Variants in HECW1 observed in about 807,000 individuals in gnomAD.
HECW1 encodes the protein E3 ubiquitin-protein ligase HECW1.
A neutral mutation model predicts 182.3 loss-of-function variants in HECW1; 61 were observed. The ratio of observed to expected loss-of-function variants is 0.33; its 90% confidence interval spans 0.27 to 0.41. HECW1 has a LOEUF of 0.41. HECW1 is among the 10% of genes least tolerant of loss of function. HECW1 has a pLI of 1.00. For missense variants in HECW1, 1,739 were observed against 2,108.9 expected (o/e 0.82, Z 3.44); for synonymous variants, 859 against 832.6 (o/e 1.03, Z -0.55).
At chr7:43,424,046 A>T (rs1180277116) in intron 8 of HECW1, among the ~76,000 whole-genome samples, 1 of 152,190 alleles carries the variant, frequency 6.6e-6, no homozygotes, top group Non-Finnish European at 1.5e-5. Context: ...GGAGAGAACA[A>T]AAGAAATTTC....
chr7:43,255,986 T>C (rs73101174), intron 3 of HECW1, among the ~76,000 whole-genome samples: 18,471 of 152,216 alleles, frequency 0.12, 2,350 homozygotes, highest in African/African-American at 0.32. Context: ...AATTATTTAA[T>C]ATGAAGAGGT....
intron 2 of HECW1, among the ~76,000 whole-genome samples, chr7:43,187,150 C>G (rs12702022): frequency 0.24 from 36,682 of 152,200 alleles, 4,622 homozygotes; most frequent in Middle Eastern, 0.27. Context: ...TCCTTGCTAC[C>G]TGGACCTCTC....
intron 11 of HECW1, among the ~76,000 whole-genome samples, chr7:43,448,073 T>G (rs2077117791): frequency 6.6e-6 from 1 of 151,924 alleles, no homozygotes; most frequent in African/African-American, 2.4e-5. Flanking sequence ...AGGCAGAGGT[T>G]GCAGTGAGCT....
intron 28 of HECW1, among the ~76,000 whole-genome samples, chr7:43,553,668 CAAAAAAAAAA>C (rs773974209): frequency 3.0e-5 from 1 of 33,464 alleles, no homozygotes; most frequent in Non-Finnish European, 7.3e-5. Context: ...GATTCTGTCT[CAAAAAAAAAA>C]AAAAAAAAAA....
In HECW1 at chr7:43,541,232, G is replaced by A. The variant is rs2304320; in HGVS notation, c.4089G>A (p.Thr1363=). Residue 1363 remains threonine (T), a synonymous_variant, in exon 25 of 30, where the codon ACG becomes ACA. Transcript: ENST00000395891. ...IHQYLLDAFF[T]RPFYKALLRL... Reference sequence around the variant, plus strand: ...AGTACCTTCTTGACGCTTTCTTCACGAGGCCCTTCTACAAGGCACTCCTGA... The same window carrying A: ...AGTACCTTCTTGACGCTTTCTTCACAAGGCCCTTCTACAAGGCACTCCTGA... 10,631 of 1,613,994 alleles carry A rather than the reference G, an allele frequency of 6.6e-3. 592 individuals are homozygous for A. In the Admixed American group the frequency reaches 0.12, roughly 17 times the overall value.
At chr7:43,157,628 T>G (rs1164283634) in intron 2 of HECW1, among the ~76,000 whole-genome samples, 1 of 152,228 alleles carries the variant, frequency 6.6e-6, no homozygotes, top group African/African-American at 2.4e-5. Flanking sequence ...TGGTGCAGTC[T>G]CAGCTCACTG....
intron 3 of HECW1, among the ~76,000 whole-genome samples, chr7:43,262,091 C>G (rs1318316541): frequency 6.6e-6 from 1 of 152,002 alleles, no homozygotes; most frequent in Non-Finnish European, 1.5e-5. Context: ...CATGGTGGAA[C>G]ACACCTGTAA....
chr7:43,198,387 C>A (rs1583926116), intron 2 of HECW1, among the ~76,000 whole-genome samples: 2 of 148,762 alleles, frequency 1.3e-5, no homozygotes, highest in East Asian at 4.0e-4. Flanking sequence ...ACGTCTTACA[C>A]ACACTCATCA....
intron 2 of HECW1, among the ~76,000 whole-genome samples, chr7:43,194,697 C>CT (rs59580794): frequency 0.1 from 14,470 of 143,344 alleles, 1,053 homozygotes; most frequent in Non-Finnish European, 0.15. Context: ...GCTCTCCACC[C>CT]TTTTTTTTTT....
At chr7:43,424,955 A>G (rs1342121527) in intron 8 of HECW1, among the ~76,000 whole-genome samples, 1 of 152,142 alleles carries the variant, frequency 6.6e-6, no homozygotes, top group Non-Finnish European at 1.5e-5. Context: ...TGACTAAGAG[A>G]ACATTATATA....
intron 3 of HECW1, among the ~76,000 whole-genome samples, chr7:43,260,860 G>C (rs915664848): frequency 1.3e-5 from 2 of 152,166 alleles, no homozygotes; most frequent in Non-Finnish European, 2.9e-5. Flanking sequence ...AAAGGAGCAA[G>C]AATTATTTAT....
chr7:43,344,256 A>C (rs1231770235), intron 5 of HECW1, among the ~76,000 whole-genome samples: 1 of 151,742 alleles, frequency 6.6e-6, no homozygotes, highest in Non-Finnish European at 1.5e-5. Flanking sequence ...GAATCTCTTT[A>C]GTTTAATTAG....
At chr7:43,391,641 G>C (rs1003204227) in intron 6 of HECW1, among the ~76,000 whole-genome samples, 5 of 152,130 alleles carry the variant, frequency 3.3e-5, no homozygotes, top group African/African-American at 1.2e-4. Flanking sequence ...CTTTTGTTTA[G>C]GCCCCTAAAG....
intron 5 of HECW1, among the ~76,000 whole-genome samples, chr7:43,331,116 C>T (rs1037688279): frequency 2.6e-4 from 39 of 152,182 alleles, no homozygotes; most frequent in African/African-American, 9.4e-4. Context: ...GGTATATCTC[C>T]TGATGCTATC....
intron 2 of HECW1, among the ~76,000 whole-genome samples, chr7:43,132,118 C>T (rs551833080): frequency 3.9e-5 from 6 of 152,172 alleles, no homozygotes; most frequent in Non-Finnish European, 8.8e-5. Flanking sequence ...TCATTTTCTG[C>T]AAATTCTCTG....
At position 43,468,917 on chromosome 7, in the gene HECW1, C is replaced by T; in HGVS notation, c.2914-3C>T. 6.2e-7 allele frequency: 1 copy of T among 1,614,124 alleles called. No homozygotes were observed. The highest frequency in any genetic ancestry group is 8.5e-7 in the Non-Finnish European group (1 of 1,179,988). On this transcript the variant is annotated splice_region_variant and splice_polypyrimidine_tract_variant and intron_variant, in intron 15 of 29. Transcript: ENST00000395891. ...TTACCCCGTCCGCCCTGACCTGTCTCAGAGTGCCTACCGAGTCTTCACCAG... is the reference window on the plus strand; with the variant it reads ...TTACCCCGTCCGCCCTGACCTGTCTTAGAGTGCCTACCGAGTCTTCACCAG...
intron 3 of HECW1, among the ~76,000 whole-genome samples, chr7:43,267,819 C>T (rs17796449): frequency 0.15 from 23,496 of 151,998 alleles, 2,458 homozygotes; most frequent in South Asian, 0.26. Flanking sequence ...ATTTGAAAGA[C>T]TTGATGAGTT....
chr7:43,497,769 T>C (rs1028796516), intron 19 of HECW1, among the ~76,000 whole-genome samples: 16 of 152,004 alleles, frequency 1.1e-4, no homozygotes, highest in African/African-American at 2.2e-4. Context: ...AGAGAGTAAT[T>C]AAGAATGACA....
intron 3 of HECW1, 174 bp from the exon 4 acceptor site, chr7:43,311,589 C>T (rs1445261834): frequency 1.3e-6 from 1 of 772,174 alleles, no homozygotes; most frequent in Admixed American, 1.7e-5. Context: ...CGTGTGAACC[C>T]AGAGCTGCAG....
Sources: gnomAD v4.1 joint callset for allele counts (sites outside exome capture counted in the v4.1 genomes callset) on GRCh38, gnomAD v4.1.1 for gene constraint, MANE v1.5 for transcripts, NCBI Gene and HGNC (gene_info 2026-07-23, HGNC 2026-07-21) for gene names.